Variants in ZNF222 observed in about 807,000 individuals in gnomAD.
The protein encoded by ZNF222 is zinc finger protein 222.
A neutral mutation model predicts 11.6 loss-of-function variants in ZNF222; 8 were observed. The observed-to-expected ratio is 0.69, with a 90% CI of 0.41 to 1.25. ZNF222 has a LOEUF of 1.25. Among genes scored for constraint, ZNF222 ranks in the 50% most tolerant of loss-of-function variants. The pLI is 0.01. For missense variants in ZNF222, 483 were observed against 576.1 expected (o/e 0.84, Z 1.65); for synonymous variants, 171 against 195.6 (o/e 0.87, Z 1.05).
intron 3 of ZNF222, chr19:44,028,185 GC>G: frequency 5.0e-6 from 2 of 398,990 alleles, no homozygotes. Flanking sequence ...CTCTTCTTAT[GC>G]CTTCCTCTTT....
rs1477547645 is a variant in ZNF222 at position 44,025,690 on chromosome 19, T to C, written c.42+212T>C. 1.7e-4 allele frequency among the ~76,000 whole-genome samples: 25 copies of C among 145,124 alleles called. No homozygotes were observed. The Admixed American group carries it at 1.8e-3, about 10-fold the overall frequency. On this transcript the variant is annotated intron_variant, in intron 1 of 3. Transcript: ENST00000391960. This position sits in a 1 kb window ranked among gnomAD's most constrained non-coding sequence, Gnocchi z 4.6. Reference sequence around the variant, plus strand: ...ATGTCCGTTTATCTTCCATTGCTGGTTCGTTTGTTTGTTTGTTTTGTAACG... The same window carrying C: ...ATGTCCGTTTATCTTCCATTGCTGGCTCGTTTGTTTGTTTGTTTTGTAACG...
Position 44,025,475 on chromosome 19 carries a change from A to G in ZNF222, c.39A>G (p.Ala13=), listed in dbSNP as rs1456745761. ...GAGAAAAGAAGCCTGGGCGGAGAGC[A>G]GAGGTTTGGAGGGGCGCGGGCGGGG... is the stretch of plus-strand genomic sequence containing the variant. The part of the protein sequence containing the change: ...DSGEKKPGRR[A]EEAVTFKDVA... Residue 13 remains alanine, a synonymous_variant, in exon 1 of 4, where the codon GCA becomes GCG. Coordinates refer to ENST00000391960, the MANE Select transcript of ZNF222 (RefSeq NM_001129996.2). The surrounding 1 kb of genome is among the most constrained non-coding windows in gnomAD (Gnocchi z 4.6). 7.1e-6 allele frequency: 11 copies of G among 1,547,582 alleles called. No homozygotes were observed. Among genetic ancestry groups the G allele is most frequent in the Non-Finnish European group, 9.6e-6 (11 of 1,145,590 alleles).
At position 44,027,480 on chromosome 19, in the gene ZNF222, A is replaced by T. The variant is rs1976405135; in HGVS notation, c.252A>T (p.Glu84Asp). The T allele has an allele frequency of 6.2e-7, 1 of 1,613,874 alleles. No homozygotes were observed. Among genetic ancestry groups the T allele is most frequent in the Non-Finnish European group, 8.5e-7 (1 of 1,179,828 alleles). ...FWVMGTTSQREGNLGGKIQTE... is the reference protein window; with the variant it reads ...FWVMGTTSQRDGNLGGKIQTE... ...TGATGGGGACAACAAGCCAAAGAGAAGGGAATTTGGGTAAGAACCAAGCAA... is the reference window on the plus strand; with the variant it reads ...TGATGGGGACAACAAGCCAAAGAGATGGGAATTTGGGTAAGAACCAAGCAA... The change falls in exon 3 of 4, where the codon GAA (glutamate) becomes GAT (aspartate). Residue 84 changes from glutamate (E) to aspartate (D), a missense_variant. Transcript: ENST00000391960.
chr19:44,030,125 G>T (rs771040162), intron 3 of ZNF222, among the ~76,000 whole-genome samples: 3 of 152,094 alleles, frequency 2.0e-5, no homozygotes, highest in Non-Finnish European at 4.4e-5. Context: ...ACGTGTTTCT[G>T]AACAACTTTG....
intron 3 of ZNF222, 38 bp from the exon 4 acceptor site, chr19:44,031,779 C>T (rs777680521): frequency 6.3e-7 from 1 of 1,589,048 alleles, no homozygotes; most frequent in Non-Finnish European, 8.6e-7. Flanking sequence ...CCGTGCCTGG[C>T]CTACTTGTCC....
intron 3 of ZNF222, among the ~76,000 whole-genome samples, chr19:44,028,887 G>C (rs1976434675): frequency 6.6e-6 from 1 of 152,122 alleles, no homozygotes; most frequent in Non-Finnish European, 1.5e-5. Flanking sequence ...CAAAAGCCAA[G>C]GATGCTCAAG....
At chr19:44,031,062 C>T (rs938407378) in intron 3 of ZNF222, 2 of 152,204 alleles carry the variant, frequency 1.3e-5, no homozygotes, top group East Asian at 1.9e-4. Flanking sequence ...AGGTTAACTT[C>T]TTTGTAAGGA....
chr19:44,029,899 A>G (rs1976464361), intron 3 of ZNF222, among the ~76,000 whole-genome samples: 1 of 152,156 alleles, frequency 6.6e-6, no homozygotes, highest in Non-Finnish European at 1.5e-5. Flanking sequence ...ACGGACAAAC[A>G]TTTTTCATGT....
rs1026399404 is a variant in ZNF222 at position 44,025,523 on chromosome 19, C to A, written c.42+45C>A. 75 of 1,523,868 alleles carry A rather than the reference C, an allele frequency of 4.9e-5. No individual in the cohort carries two copies. The East Asian group carries it at 1.8e-3, about 36-fold the overall frequency. 94.4% of individuals were successfully genotyped at this position (1,523,868 alleles called of 1,614,324 possible). On this transcript the variant is annotated intron_variant, in intron 1 of 3. Transcript: ENST00000391960. This position sits in a 1 kb window ranked among gnomAD's most constrained non-coding sequence, Gnocchi z 4.6. ...GGGATTGCCGTTCCAGTCAGCTGAG[C>A]CTTCTGGCGTCGGGGGGCTCTGCTA...
chr19:44,025,897 T>C lies in ZNF222; in HGVS notation c.42+419T>C. 1 of 926,326 alleles carries C rather than the reference T, an allele frequency of 1.1e-6. No homozygotes were observed. The highest frequency in any genetic ancestry group is 1.6e-6 in the Non-Finnish European group (1 of 616,702). 57.4% of individuals were successfully genotyped at this position (926,326 alleles called of 1,614,324 possible). ...CTGCAGGGGCGCCGGCCCTTCTGCC[T>C]GATCCCTGCAGGACGCTGGATGATC... On this transcript the variant is annotated intron_variant, in intron 1 of 3. Coordinates refer to ENST00000391960, the MANE Select transcript of ZNF222 (RefSeq NM_001129996.2). The surrounding 1 kb of genome is among the most constrained non-coding windows in gnomAD (Gnocchi z 4.6).
At position 44,032,835 on chromosome 19, in the gene ZNF222, T is replaced by C; in HGVS notation, c.1281T>C (p.His427=). Residue 427 remains histidine (H), a synonymous_variant, in exon 4 of 4, where the codon CAT becomes CAC. Transcript: ENST00000391960. The part of the protein sequence containing the change: ...SFRHASSILN[H]KKLHCQRKPL... Reference sequence around the variant, plus strand: ...GACATGCTTCTAGTATTTTGAATCATAAGAAACTCCACTGCCAAAGAAAGC... The same window carrying C: ...GACATGCTTCTAGTATTTTGAATCACAAGAAACTCCACTGCCAAAGAAAGC... The C allele has an allele frequency of 1.2e-6, 2 of 1,613,296 alleles. No individual in the cohort carries two copies. The highest frequency in any genetic ancestry group is 1.7e-6 in the Non-Finnish European group (2 of 1,179,842).
chr19:44,030,404 C>T (rs756818859), intron 3 of ZNF222, among the ~76,000 whole-genome samples: 10 of 152,132 alleles, frequency 6.6e-5, no homozygotes, highest in South Asian at 4.1e-4. Context: ...TTTAGTGGGA[C>T]GTTTTACAGA....
At position 44,025,768 on chromosome 19, in the gene ZNF222, A is replaced by G. The variant is rs1976346564; in HGVS notation, c.42+290A>G. On this transcript the variant is annotated intron_variant, in intron 1 of 3. Coordinates refer to ENST00000391960, the MANE Select transcript of ZNF222 (RefSeq NM_001129996.2). The surrounding 1 kb of genome is among the most constrained non-coding windows in gnomAD (Gnocchi z 4.6). ...CATTTTGGGACCTGAAAGAGGTAACACAAATGAGAGCCTTAAAAGCAGTCC... is the reference window on the plus strand; with the variant it reads ...CATTTTGGGACCTGAAAGAGGTAACGCAAATGAGAGCCTTAAAAGCAGTCC... Among the ~76,000 whole-genome samples, 1 of 152,190 alleles carries G rather than the reference A, an allele frequency of 6.6e-6. No individual in the cohort carries two copies. Among genetic ancestry groups the G allele is most frequent in the Admixed American group, 6.5e-5 (1 of 15,286 alleles).
At chr19:44,026,233 G>C in intron 1 of ZNF222, 2 of 767,944 alleles carry the variant, frequency 2.6e-6, no homozygotes, top group Non-Finnish European at 4.3e-6. Context: ...CAAAATACAT[G>C]ATCTTCACAG....
chr19:44,031,674 G>A (rs1976502444), intron 3 of ZNF222, 143 bp from the exon 4 acceptor site: 1 of 841,974 alleles, frequency 1.2e-6, no homozygotes, highest in Admixed American at 2.7e-5. Context: ...GTAGAGACAG[G>A]GCATCACCAT....
chr19:44,033,006 A>T lies in ZNF222; in HGVS notation c.1452A>T (p.Leu484Phe). The part of the protein sequence containing the change: ...YKRRLNLDII[L>F]SLFLNDI ...GGCGCTTGAATCTGGATATAATTTT[A>T]TCATTATTTTTAAATGACATATAAG... is the stretch of plus-strand genomic sequence containing the variant. Residue 484 changes from leucine (L) to phenylalanine (F), a missense_variant, in exon 4 of 4, where the codon TTA becomes TTT. By Grantham distance (22) the Leu-to-Phe change is conservative. Transcript: ENST00000391960. 1 of 1,549,406 alleles carries T rather than the reference A, an allele frequency of 6.5e-7. No homozygotes were observed.
chr19:44,028,420 G>A (rs982005876), intron 3 of ZNF222: 84 of 394,002 alleles, frequency 2.1e-4, no homozygotes, highest in Non-Finnish European at 3.5e-4. Context: ...GCCCTCACTT[G>A]CTCTTCTCTC....
At position 44,025,410 on chromosome 19, in the gene ZNF222, C is replaced by A. The variant is rs902619884; in HGVS notation, c.-27C>A. ...CTTGCGAGTCCTTCCGAACGAGTCT[C>A]CTTTCCTTGGGGCTCGCAACCACCC... On this transcript the variant is annotated 5_prime_UTR_variant, in exon 1 of 4. Transcript: ENST00000391960. This position sits in a 1 kb window ranked among gnomAD's most constrained non-coding sequence, Gnocchi z 4.6. 3 of 1,551,568 alleles carry A rather than the reference C, an allele frequency of 1.9e-6. No individual in the cohort carries two copies. Among genetic ancestry groups the A allele is most frequent in the Non-Finnish European group, 1.7e-6 (2 of 1,146,904 alleles).
chr19:44,030,279 T>G (rs1004711074), intron 3 of ZNF222, among the ~76,000 whole-genome samples: 8 of 152,212 alleles, frequency 5.3e-5, no homozygotes, highest in African/African-American at 1.9e-4. Flanking sequence ...AAAATAAGAT[T>G]AAGTATTTTT....
Sources: gnomAD v4.1 joint callset for allele counts (sites outside exome capture counted in the v4.1 genomes callset) on GRCh38, gnomAD v4.1.1 for gene constraint, Gnocchi (gnomAD v3.1) non-coding constraint, MANE v1.5 for transcripts, NCBI Gene and HGNC (gene_info 2026-07-23, HGNC 2026-07-21) for gene names.